Variants in GRIA3 observed in about 807,000 individuals in gnomAD.
GRIA3 encodes the protein glutamate receptor 3.
GRIA3 carries 3 observed loss-of-function variants against 63.0 expected under a neutral mutation model. The ratio of observed to expected loss-of-function variants is 0.05; its 90% confidence interval spans 0.02 to 0.12. GRIA3 has a LOEUF of 0.12. GRIA3 is among the 10% of genes least tolerant of loss of function. GRIA3 has a pLI of 1.00. For missense variants in GRIA3, 347 were observed against 700.9 expected (o/e 0.50, Z 5.70); for synonymous variants, 274 against 257.9 (o/e 1.06, Z -0.60).
intron 11 of GRIA3, among the ~76,000 whole-genome samples, chrX:123,425,834 TA>T (rs1181915470): frequency 9.0e-6 from 1 of 111,501 alleles, no homozygotes; most frequent in Non-Finnish European, 1.9e-5. Flanking sequence ...ACTACAGATT[TA>T]AAAAAAATCA....
intron 3 of GRIA3, among the ~76,000 whole-genome samples, chrX:123,281,169 A>C (rs1161006932): frequency 8.9e-6 from 1 of 111,793 alleles, no homozygotes; most frequent in East Asian, 2.8e-4. Flanking sequence ...CTTTAGTAGC[A>C]CTCAGAATAG....
intron 5 of GRIA3, among the ~76,000 whole-genome samples, chrX:123,367,109 A>G (rs764055956): frequency 1.8e-5 from 2 of 111,384 alleles, no homozygotes; most frequent in Non-Finnish European, 3.8e-5. Context: ...CTTTGGGTAG[A>G]CGAGAAATGC....
intron 2 of GRIA3, among the ~76,000 whole-genome samples, chrX:123,231,330 A>G (rs2044275078): frequency 9.0e-6 from 1 of 111,274 alleles, no homozygotes. Flanking sequence ...ATTAAAGCTC[A>G]AAGAGGCCCA....
At chrX:123,439,584 T>G (rs932061446) in intron 12 of GRIA3, among the ~76,000 whole-genome samples, 1 of 103,521 alleles carries the variant, frequency 9.7e-6, no homozygotes, top group Non-Finnish European at 2.0e-5. Flanking sequence ...TTTTATTTTG[T>G]TTTTTTTTTT....
chrX:123,352,926 C>T (rs2045106116), intron 4 of GRIA3, among the ~76,000 whole-genome samples: 1 of 109,202 alleles, frequency 9.2e-6, no homozygotes, highest in African/African-American at 3.3e-5. Context: ...CATTTATTAA[C>T]CTTTCATTTC....
At chrX:123,185,752 G>T (rs1294457883) in intron 1 of GRIA3, 80 bp from the exon 2 acceptor site, 7 of 758,980 alleles carry the variant, frequency 9.2e-6, no homozygotes, top group Non-Finnish European at 1.2e-5. Flanking sequence ...GAGGTATCCG[G>T]TATCTATATT....
At chrX:123,295,007 T>A (rs2044676733) in intron 3 of GRIA3, among the ~76,000 whole-genome samples, 1 of 112,101 alleles carries the variant, frequency 8.9e-6, no homozygotes, top group Admixed American at 9.5e-5. Context: ...CAACTGGGAT[T>A]CAAACAGTTA....
chrX:123,301,539 A>G (rs2044723227), intron 3 of GRIA3, among the ~76,000 whole-genome samples: 1 of 111,476 alleles, frequency 9.0e-6, no homozygotes, highest in Non-Finnish European at 1.9e-5. Context: ...AATATGTATG[A>G]AACACTTAGA....
intron 3 of GRIA3, among the ~76,000 whole-genome samples, chrX:123,312,973 T>A (rs1031717083): frequency 9.0e-6 from 1 of 111,397 alleles, no homozygotes; most frequent in Non-Finnish European, 1.9e-5. Flanking sequence ...GGCTCTCATA[T>A]TTGAGAATTC....
At chrX:123,388,493 C>T (rs1468702624) in intron 5 of GRIA3, among the ~76,000 whole-genome samples, 2 of 111,915 alleles carry the variant, frequency 1.8e-5, no homozygotes, top group Non-Finnish European at 3.8e-5. Flanking sequence ...ATGGTCCACC[C>T]GCCTTGGCCT....
chrX:123,350,341 G>A lies in GRIA3; in HGVS notation c.697-4569G>A, dbSNP rs775248872. 3.3e-4 allele frequency among the ~76,000 whole-genome samples: 36 copies of A among 110,531 alleles called. No homozygotes were observed. In the South Asian group the frequency reaches 0.014, roughly 42 times the overall value. On this transcript the variant is annotated intron_variant, in intron 4 of 15. Transcript: ENST00000620443. ...GAAAATCCAAACAAGGAGATACTTA[G>A]GTCTACAAATAACCTAATCTGCATA...
intron 13 of GRIA3, among the ~76,000 whole-genome samples, chrX:123,467,149 A>C (rs1224389520): frequency 8.9e-6 from 1 of 112,066 alleles, no homozygotes; most frequent in East Asian, 2.8e-4. Context: ...TATTCCAAAA[A>C]AGAAGACTGC....
intron 3 of GRIA3, among the ~76,000 whole-genome samples, chrX:123,306,246 A>T (rs1165404899): frequency 8.9e-6 from 1 of 111,766 alleles, no homozygotes; most frequent in Non-Finnish European, 1.9e-5. Flanking sequence ...AGGCTTTATG[A>T]TTCCCTTATG....
intron 3 of GRIA3, among the ~76,000 whole-genome samples, chrX:123,299,278 G>A (rs1475063544): frequency 9.0e-6 from 1 of 111,436 alleles, no homozygotes; most frequent in Non-Finnish European, 1.9e-5. Context: ...CTCCATGGTA[G>A]TTTAATAGGA....
At chrX:123,447,291 AC>A (rs1174891496) in intron 12 of GRIA3, among the ~76,000 whole-genome samples, 1 of 108,686 alleles carries the variant, frequency 9.2e-6, no homozygotes, top group Non-Finnish European at 1.9e-5. Flanking sequence ...ACAAAACAAA[AC>A]AAAAAAAAAC....
At chrX:123,485,565 T>C (rs1475560382) in intron 15 of GRIA3, among the ~76,000 whole-genome samples, 3 of 111,797 alleles carry the variant, frequency 2.7e-5, no homozygotes, top group Non-Finnish European at 5.6e-5. Flanking sequence ...CTTGAGTTTC[T>C]GTTCCACTTG....
intron 12 of GRIA3, among the ~76,000 whole-genome samples, chrX:123,439,039 T>C (rs984108363): frequency 8.9e-6 from 1 of 111,923 alleles, no homozygotes; most frequent in Admixed American, 9.5e-5. Flanking sequence ...TATGTATGCA[T>C]GTGTCAAAAA....
intron 2 of GRIA3, among the ~76,000 whole-genome samples, chrX:123,247,381 CG>C (rs1475990782): frequency 9.0e-6 from 1 of 111,469 alleles, no homozygotes; most frequent in African/African-American, 3.3e-5. Context: ...CCTACAGACT[CG>C]GGGACTATAA....
intron 12 of GRIA3, among the ~76,000 whole-genome samples, chrX:123,463,682 A>AAGAAAGAAAGAAAGAG (rs2045814249): frequency 2.5e-5 from 1 of 40,707 alleles, no homozygotes; most frequent in Non-Finnish European, 3.9e-5. Flanking sequence ...GAAAGAAAGA[A>AAGAAAGAAAGAAAGAG]AGAGAGAGAA....
Sources: allele counts gnomAD v4.1 joint callset (sites outside exome capture counted in the v4.1 genomes callset), GRCh38; gene constraint gnomAD v4.1.1; transcripts MANE v1.5; gene names NCBI Gene and HGNC (gene_info 2026-07-23, HGNC 2026-07-21).